The following PTPRU variants were observed in gnomAD, a reference collection of about 807,000 sequenced individuals.
The protein encoded by PTPRU is protein tyrosine phosphatase receptor type U.
Under a neutral mutation model 166.3 loss-of-function variants are expected in PTPRU, and 69 were observed. The observed-to-expected ratio is 0.41, with a 90% confidence interval of 0.34 to 0.51. The LOEUF (loss-of-function observed/expected upper bound fraction) is 0.51. Among genes scored for constraint, PTPRU ranks in the 20% least tolerant of loss-of-function variants. PTPRU has a pLI of 0.09. For missense variants in PTPRU, 1,657 were observed against 2,013.7 expected (o/e 0.82, Z 3.39); for synonymous variants, 793 against 814.0 (o/e 0.97, Z 0.44).
chr1:29,283,145 A>C (rs1303932744), intron 12 of PTPRU, among the ~76,000 whole-genome samples, 196 bp downstream of exon 12: 13 of 35,100 alleles, frequency 3.7e-4, no homozygotes, highest in Non-Finnish European at 6.1e-4. Context: ...CCCACCTCCC[A>C]TAGCCCTGGC....
chr1:29,324,003 C>A (rs897350594), intron 28 of PTPRU, among the ~76,000 whole-genome samples: 1 of 152,232 alleles, frequency 6.6e-6, no homozygotes, highest in African/African-American at 2.4e-5. Context: ...CCCTGAACAA[C>A]TGCCCAGTAT....
chr1:29,258,240 T>C (rs534454890), intron 2 of PTPRU, among the ~76,000 whole-genome samples: 1 of 152,288 alleles, frequency 6.6e-6, no homozygotes, highest in Admixed American at 6.5e-5. Flanking sequence ...GTTGGGATTA[T>C]AGGCGTGAGC....
At chr1:29,289,553 C>G (rs1190965734) in intron 14 of PTPRU, 5 of 1,081,960 alleles carry the variant, frequency 4.6e-6, no homozygotes, top group Admixed American at 2.0e-5. Context: ...CCTGTTCAGT[C>G]CCTGGCCAGC....
chr1:29,296,125 CT>C (rs1686871172), intron 15 of PTPRU, among the ~76,000 whole-genome samples: 1 of 152,096 alleles, frequency 6.6e-6, no homozygotes, highest in Non-Finnish European at 1.5e-5. Context: ...ACTTCTTATT[CT>C]TTTTCCCCAT....
chr1:29,284,990 C>T, intron 14 of PTPRU, 121 bp downstream of exon 14: 1 of 1,318,056 alleles, frequency 7.6e-7, no homozygotes. Flanking sequence ...GGAGGGCTGC[C>T]AGCCTGGGCA....
In PTPRU at chr1:29,271,086, C is replaced by T. The variant is rs1237392732; in HGVS notation, c.1145-4362C>T. Among the ~76,000 whole-genome samples the T allele has an allele frequency of 6.6e-6, 1 of 152,242 alleles. No individual in the cohort carries two copies. Among genetic ancestry groups the T allele is most frequent in the Admixed American group, 6.5e-5 (1 of 15,290 alleles). ...GTTGAACATTTCAGGGTTATTGCATCTTGTTTAGCCTTACTAAAGTCAACA... is the reference window on the plus strand; with the variant it reads ...GTTGAACATTTCAGGGTTATTGCATTTTGTTTAGCCTTACTAAAGTCAACA... On this transcript the variant is annotated intron_variant, in intron 7 of 29. Coordinates refer to ENST00000373779, the MANE Select transcript of PTPRU (RefSeq NM_133178.4). The surrounding 1 kb of genome is among the most constrained non-coding windows in gnomAD (Gnocchi z 4.4).
At chr1:29,323,045 G>T (rs2151972046) in intron 26 of PTPRU, among the ~76,000 whole-genome samples, 1 of 152,346 alleles carries the variant, frequency 6.6e-6, no homozygotes, top group South Asian at 2.1e-4. Context: ...ATTCCTGGAA[G>T]CAGGCAGCCT....
chr1:29,281,525 G>C (rs1005733009), intron 11 of PTPRU, among the ~76,000 whole-genome samples: 2 of 152,142 alleles, frequency 1.3e-5, no homozygotes, highest in African/African-American at 4.8e-5. Context: ...GGCATGTCCC[G>C]TTACCTTCCT....
At chr1:29,319,156 G>A (rs1412888806) in intron 25 of PTPRU, among the ~76,000 whole-genome samples, 2 of 152,088 alleles carry the variant, frequency 1.3e-5, no homozygotes, top group East Asian at 1.9e-4. Context: ...CCACATGCTC[G>A]CCGGGGGACA....
intron 1 of PTPRU, among the ~76,000 whole-genome samples, chr1:29,246,081 C>T (rs1684284552): frequency 2.0e-5 from 3 of 152,252 alleles, no homozygotes; most frequent in African/African-American, 7.2e-5. Context: ...TGAACTTTTC[C>T]TGAGTTTCTG....
At chr1:29,282,002 C>T (rs997647210) in intron 11 of PTPRU, among the ~76,000 whole-genome samples, 4 of 152,192 alleles carry the variant, frequency 2.6e-5, no homozygotes, top group African/African-American at 7.2e-5. Context: ...CCAGGGAGCA[C>T]GAACCAGAGT....
chr1:29,295,107 G>T (rs1686820825), intron 15 of PTPRU, among the ~76,000 whole-genome samples: 1 of 152,092 alleles, frequency 6.6e-6, no homozygotes, highest in South Asian at 2.1e-4. Flanking sequence ...CACAATCTGG[G>T]CTCACTGCAA....
In PTPRU at chr1:29,317,901, A is replaced by G; in HGVS notation, c.3667A>G (p.Ile1223Val). ...ISTDGDSNNY[I>V]NAALTDSYTR... ...CACTGATGGGGACTCCAACAACTACATTAATGCAGCCCTGACTGACGTGAG... is the reference window on the plus strand; with the variant it reads ...CACTGATGGGGACTCCAACAACTACGTTAATGCAGCCCTGACTGACGTGAG... The change falls in exon 25 of 30, where the codon ATT becomes GTT. Residue 1223 changes from isoleucine (I) to valine (V), a missense_variant. Ile to Val is a conservative substitution (Grantham distance 29). Transcript: ENST00000373779. The surrounding 1 kb of genome is among the most constrained non-coding windows in gnomAD (Gnocchi z 5.6). The G allele has an allele frequency of 6.2e-7, 1 of 1,613,866 alleles. No individual in the cohort carries two copies. Among genetic ancestry groups the G allele is most frequent in the South Asian group, 1.1e-5 (1 of 91,074 alleles).
At position 29,298,649 on chromosome 1, in the gene PTPRU, C is replaced by T. The variant is rs540517997; in HGVS notation, c.2477-5206C>T. ...GCTATTGACTCCTGTGGGTGCCAGT[C>T]GGTGTTGGCCAAATTGTTTGTCAAA... On this transcript the variant is annotated intron_variant, in intron 15 of 29. Transcript: ENST00000373779. Among the ~76,000 whole-genome samples, 59 of 152,260 alleles carry T rather than the reference C, an allele frequency of 3.9e-4. 1 individual carries two copies. The highest frequency in any genetic ancestry group is 1.2e-3 in the African/African-American group (50 of 41,546).
intron 25 of PTPRU, among the ~76,000 whole-genome samples, chr1:29,319,949 G>A (rs1688080214): frequency 6.6e-6 from 1 of 152,168 alleles, no homozygotes; most frequent in South Asian, 2.1e-4. Context: ...GGACGAGGGA[G>A]CAGTGAGCAG....
In PTPRU at chr1:29,259,500, A is replaced by T. The variant is rs1163046887; in HGVS notation, c.611A>T (p.Gln204Leu). 6.2e-7 allele frequency: 1 copy of T among 1,611,404 alleles called. No individual in the cohort carries two copies. Among genetic ancestry groups the T allele is most frequent in the South Asian group, 1.1e-5 (1 of 90,950 alleles). ...RLGDVEVNAGQNASFQCMAAG... is the reference protein window; with the variant it reads ...RLGDVEVNAGLNASFQCMAAG... ...GGCGACGTGGAGGTCAACGCGGGCCAGAACGCGTCGTTCCAGTGCATGGCC... is the reference window on the plus strand; with the variant it reads ...GGCGACGTGGAGGTCAACGCGGGCCTGAACGCGTCGTTCCAGTGCATGGCC... Residue 204 changes from glutamine (Q) to leucine (L), a missense_variant, in exon 5 of 30, where the codon CAG becomes CTG. Physicochemically the swap from Gln to Leu is moderately radical, Grantham distance 113. This residue lies in a region of PTPRU where 453 missense variants were observed against 496.9 expected (regional missense o/e 0.91). Coordinates refer to ENST00000373779, the MANE Select transcript of PTPRU (RefSeq NM_133178.4).
intron 14 of PTPRU, among the ~76,000 whole-genome samples, chr1:29,288,931 G>A (rs1686489969): frequency 6.6e-6 from 1 of 152,176 alleles, no homozygotes; most frequent in South Asian, 2.1e-4. Flanking sequence ...GATGGAAGCT[G>A]TGCCCCAGGT....
intron 15 of PTPRU, among the ~76,000 whole-genome samples, chr1:29,294,888 C>G (rs1574680077): frequency 6.6e-6 from 1 of 152,196 alleles, no homozygotes; most frequent in Non-Finnish European, 1.5e-5. Flanking sequence ...GATCATTTTT[C>G]AGTTCCCTGT....
chr1:29,260,420 T>G lies in PTPRU; in HGVS notation c.851-190T>G, dbSNP rs1185268893. Among the ~76,000 whole-genome samples, 1 of 151,806 alleles carries G rather than the reference T, an allele frequency of 6.6e-6. No individual in the cohort carries two copies. The highest frequency in any genetic ancestry group is 1.9e-4 in the East Asian group (1 of 5,146). On this transcript the variant is annotated intron_variant, in intron 6 of 29. Coordinates refer to ENST00000373779, the MANE Select transcript of PTPRU (RefSeq NM_133178.4). This position sits in a 1 kb window ranked among gnomAD's most constrained non-coding sequence, Gnocchi z 8.3. The stretch of plus-strand genomic sequence containing the variant: ...TGATGGGCGAGGGCGGGGTCAGCCT[T>G]TGGAGCCAGGTGCCCCTTAGGGCCC...
Sources: allele counts gnomAD v4.1 joint callset (sites outside exome capture counted in the v4.1 genomes callset), GRCh38; gene constraint gnomAD v4.1.1; regional missense constraint gnomAD v4.1.1; non-coding constraint Gnocchi (gnomAD v3.1); transcripts MANE v1.5; gene names NCBI Gene and HGNC (gene_info 2026-07-23, HGNC 2026-07-21).